SH3GL3: variants seen among roughly 807,000 people sequenced by gnomAD.
SH3GL3 encodes SH3 domain containing GRB2 like 3, endophilin A3.
Under a neutral mutation model 47.7 loss-of-function variants are expected in SH3GL3, and 33 were observed. The observed-to-expected ratio is 0.69, with a 90% CI of 0.52 to 0.92. SH3GL3 has a LOEUF of 0.92. SH3GL3 is among the 40% of genes least tolerant of loss of function. The pLI, the probability that SH3GL3 is intolerant of heterozygous loss-of-function variation, is 0.00. For missense variants in SH3GL3, 363 were observed against 417.8 expected, an observed-to-expected ratio of 0.87 and a Z score of 1.14; for synonymous variants, 155 against 148.8, an observed-to-expected ratio of 1.04 and a Z score of -0.30.
intron 6 of SH3GL3, among the ~76,000 whole-genome samples, chr15:83,581,497 G>T (rs765583648): frequency 3.3e-5 from 5 of 152,204 alleles, no homozygotes; most frequent in Non-Finnish European, 5.9e-5. Flanking sequence ...GAGAGAGCGG[G>T]TGCAGAGACC....
At chr15:83,495,763 C>A (rs374728580) in intron 1 of SH3GL3, among the ~76,000 whole-genome samples, 1 of 151,978 alleles carries the variant, frequency 6.6e-6, no homozygotes, top group African/African-American at 2.4e-5. Flanking sequence ...TTGCACTAAA[C>A]ATCTTTTTCC....
chr15:83,514,928 G>A lies in SH3GL3; in HGVS notation c.46-44325G>A, dbSNP rs532000258. On this transcript the variant is annotated intron_variant, in intron 1 of 8. Coordinates refer to ENST00000427482, the MANE Select transcript of SH3GL3 (RefSeq NM_003027.5). ...GATAACTTATATGAGAAGGCAATGC[G>A]AGGATGGAAGCAAGAGATTGGAGTG... 1.9e-4 allele frequency among the ~76,000 whole-genome samples: 29 copies of A among 152,216 alleles called. 1 individual carries two copies. The South Asian group carries it at 6.0e-3, about 32-fold the overall frequency.
At chr15:83,614,556 A>G (rs1567040055) in intron 8 of SH3GL3, among the ~76,000 whole-genome samples, 1 of 152,116 alleles carries the variant, frequency 6.6e-6, no homozygotes, top group East Asian at 1.9e-4. Flanking sequence ...GGATCATTTC[A>G]CTGGTGGTTG....
Position 83,492,059 on chromosome 15 carries a change from C to T in SH3GL3, c.45+44481C>T, listed in dbSNP as rs2041895786. ...CAGCACTTTGGGAGGCCTAGGCCGG[C>T]AGATCACGAGGTCAGGAGATCAAGA... On this transcript the variant is annotated intron_variant, in intron 1 of 8. Transcript: ENST00000427482. Among the ~76,000 whole-genome samples the T allele has an allele frequency of 2.0e-5, 3 of 152,058 alleles. No individual in the cohort carries two copies. The South Asian group carries it at 6.2e-4, about 32-fold the overall frequency.
chr15:83,622,670 T>C (rs547575053), downstream of SH3GL3, among the ~76,000 whole-genome samples: 7 of 152,366 alleles, frequency 4.6e-5, no homozygotes, highest in East Asian at 1.3e-3. Flanking sequence ...GTTTCTTCCC[T>C]GGCTTGTGGC....
At chr15:83,540,102 A>T (rs570511120) in intron 1 of SH3GL3, among the ~76,000 whole-genome samples, 17 of 152,290 alleles carry the variant, frequency 1.1e-4, no homozygotes, top group African/African-American at 4.1e-4. Flanking sequence ...TGTGTTGTTT[A>T]ATTTCCAAAT....
intron 1 of SH3GL3, among the ~76,000 whole-genome samples, chr15:83,536,745 C>G (rs1252981114): frequency 4.6e-5 from 7 of 152,046 alleles, no homozygotes; most frequent in Non-Finnish European, 8.8e-5. Flanking sequence ...TGTGCTCACT[C>G]TTTTTTATTG....
chr15:83,618,193 A>T lies in SH3GL3; in HGVS notation c.950A>T (p.Gln317Leu), dbSNP rs778865546. 6.2e-7 allele frequency: 1 copy of T among 1,609,404 alleles called. No individual in the cohort carries two copies. Among genetic ancestry groups the T allele is most frequent in the Non-Finnish European group, 8.5e-7 (1 of 1,175,620 alleles). The change falls in exon 9 of 9, where the codon CAA (glutamine) becomes CTA (leucine). Residue 317 changes from glutamine (Q) to leucine (L), a missense_variant. Gln to Leu is a moderately radical substitution (Grantham distance 113). Coordinates refer to ENST00000427482, the MANE Select transcript of SH3GL3 (RefSeq NM_003027.5). ...GGGGACATCATTACATTAACCAATC[A>T]AATAGATGAAAACTGGTATGAAGGA... Reference protein sequence around the residue: ...KEGDIITLTNQIDENWYEGMI... With the variant: ...KEGDIITLTNLIDENWYEGMI...
chr15:83,609,986 T>C, intron 8 of SH3GL3, among the ~76,000 whole-genome samples: 1 of 152,204 alleles, frequency 6.6e-6, no homozygotes, highest in East Asian at 1.9e-4. Context: ...AGCTGCTCAC[T>C]TTGAAGCTGG....
At chr15:83,517,205 C>CTTTTTTTTTTTTTTTTTTTTTTTT (rs36096315) in intron 1 of SH3GL3, among the ~76,000 whole-genome samples, 1 of 109,690 alleles carries the variant, frequency 9.1e-6, no homozygotes, top group Non-Finnish European at 1.9e-5. Context: ...CTTTTCTTTT[C>CTTTTTTTTTTTTTTTTTTTTTTTT]TTTTTTTTTT....
intron 2 of SH3GL3, among the ~76,000 whole-genome samples, chr15:83,560,469 TA>T (rs145290437): frequency 1.2e-4 from 18 of 152,172 alleles, no homozygotes; most frequent in Middle Eastern, 3.4e-3. Context: ...TTAAATTACT[TA>T]AAAAAAACTC....
At chr15:83,614,766 C>T (rs1324702521) in intron 8 of SH3GL3, among the ~76,000 whole-genome samples, 2 of 152,140 alleles carry the variant, frequency 1.3e-5, no homozygotes, top group African/African-American at 2.4e-5. Context: ...GAGATATAGG[C>T]GCTACTCCAT....
At chr15:83,492,841 A>G (rs775096562) in intron 1 of SH3GL3, among the ~76,000 whole-genome samples, 11 of 152,170 alleles carry the variant, frequency 7.2e-5, no homozygotes, top group Non-Finnish European at 1.6e-4. Flanking sequence ...TGGTCCTCCC[A>G]CTGTCTCACT....
In SH3GL3 at chr15:83,565,191, C is replaced by G. The variant is rs777243734; in HGVS notation, c.172C>G (p.Leu58Val). 1 of 1,576,812 alleles carries G rather than the reference C, an allele frequency of 6.3e-7. No individual in the cohort carries two copies. Among genetic ancestry groups the G allele is most frequent in the Non-Finnish European group, 8.7e-7 (1 of 1,149,096 alleles). Residue 58 changes from leucine (L) to valine (V), a missense_variant, in exon 3 of 9, where the codon CTT becomes GTT. Transcript: ENST00000427482. ...AATTCTTTCAAAAACCACTGAATAT[C>G]TTCAGCCAAATCCAGGTAAAGTTGA... ...AEILSKTTEY[L>V]QPNPAYRAKL...
At position 83,544,643 on chromosome 15, in the gene SH3GL3, G is replaced by T. The variant is rs565303834; in HGVS notation, c.46-14610G>T. On this transcript the variant is annotated intron_variant, in intron 1 of 8. Coordinates refer to ENST00000427482, the MANE Select transcript of SH3GL3 (RefSeq NM_003027.5). ...TGCTCATTAATGTTCTTTTCTTTCA[G>T]ATTGAAAAACTCCCATTAGCATGGT... is the stretch of plus-strand genomic sequence containing the variant. 3.9e-5 allele frequency among the ~76,000 whole-genome samples: 6 copies of T among 152,146 alleles called. No individual in the cohort carries two copies. In the South Asian group the frequency reaches 1.2e-3, roughly 32 times the overall value.
downstream of SH3GL3, among the ~76,000 whole-genome samples, chr15:83,622,066 G>A (rs1291697190): frequency 6.6e-6 from 1 of 152,146 alleles, no homozygotes; most frequent in East Asian, 1.9e-4. Context: ...GCTAACTCTT[G>A]TGTGCTTACT....
chr15:83,581,793 T>A lies in SH3GL3; in HGVS notation c.624+5052T>A, dbSNP rs114151462. On this transcript the variant is annotated intron_variant, in intron 6 of 8. Transcript: ENST00000427482. ...CTGGGAATGGGAGAATGAAGAAGAG[T>A]CTCCTTCGGCCCCACACTGTAGCCT... Among the ~76,000 whole-genome samples the A allele has an allele frequency of 8.8e-3, 1,339 of 152,192 alleles. 14 individuals are homozygous for A. The highest frequency in any genetic ancestry group is 0.031 in the African/African-American group (1,290 of 41,536).
At chr15:83,574,464 G>A (rs1308924194) in intron 5 of SH3GL3, among the ~76,000 whole-genome samples, 2 of 152,054 alleles carry the variant, frequency 1.3e-5, no homozygotes, top group East Asian at 1.9e-4. Flanking sequence ...GACATCCATC[G>A]TCCTCTCTGG....
chr15:83,522,290 T>C (rs2043238964), intron 1 of SH3GL3, among the ~76,000 whole-genome samples: 1 of 152,194 alleles, frequency 6.6e-6, no homozygotes, highest in Admixed American at 6.5e-5. Flanking sequence ...TGGAGATCAC[T>C]TCGTTCAAGC....
Sources: allele counts gnomAD v4.1 joint callset (sites outside exome capture counted in the v4.1 genomes callset), GRCh38; gene constraint gnomAD v4.1.1; transcripts MANE v1.5; gene names NCBI Gene and HGNC (gene_info 2026-07-23, HGNC 2026-07-21).